FCRL5: variants seen among roughly 807,000 people sequenced by gnomAD.
FCRL5 encodes Fc receptor-like protein 5.
FCRL5 carries 79 observed loss-of-function variants against 92.1 expected under a neutral mutation model. The observed-to-expected ratio is 0.86, with a 90% confidence interval of 0.72 to 1.03. The LOEUF (loss-of-function observed/expected upper bound fraction) is 1.03, where lower values mean the gene tolerates loss of function less well. FCRL5 is among the 50% of genes least tolerant of loss of function. The pLI is 0.00. For synonymous variants in FCRL5, 466 were observed against 469.3 expected, an observed-to-expected ratio of 0.99 and a Z score of 0.09; for missense variants, 1,160 against 1,181.1, an observed-to-expected ratio of 0.98 and a Z score of 0.26.
chr1:157,523,329 C>A (rs59879420), intron 10 of FCRL5, among the ~76,000 whole-genome samples: 6,314 of 152,242 alleles, frequency 0.041, 451 homozygotes, highest in African/African-American at 0.14. Context: ...GGAACCTGTA[C>A]GTCTGCATAA....
chr1:157,540,202 CTG>C (rs1651191360), intron 6 of FCRL5, among the ~76,000 whole-genome samples: 1 of 152,216 alleles, frequency 6.6e-6, no homozygotes. Context: ...TAGTCATTCC[CTG>C]TCTTTTCCTT....
At chr1:157,538,984 A>G in intron 7 of FCRL5, 102 bp downstream of exon 7, 2 of 1,297,814 alleles carry the variant, frequency 1.5e-6, no homozygotes, top group South Asian at 1.5e-5. Context: ...TGTTTCAAGA[A>G]AGAAACAGAG....
intron 15 of FCRL5, 95 bp downstream of exon 15, chr1:157,518,334 A>T: frequency 9.2e-7 from 1 of 1,088,786 alleles, no homozygotes; most frequent in Non-Finnish European, 1.4e-6. Context: ...GGGCGGCTCT[A>T]TGCCTGTCTG....
intron 5 of FCRL5, 52 bp from the exon 6 acceptor site, chr1:157,543,189 T>C: frequency 5.1e-6 from 8 of 1,560,908 alleles, no homozygotes; most frequent in Non-Finnish European, 3.5e-6. Flanking sequence ...TTACTGTAGA[T>C]TACAAGGCAT....
At chr1:157,538,966 T>G in intron 7 of FCRL5, 120 bp downstream of exon 7, 4 of 1,081,902 alleles carry the variant, frequency 3.7e-6, no homozygotes, top group Non-Finnish European at 4.0e-6. Context: ...TGGAGGAGGA[T>G]ATTAGGTTGT....
intron 8 of FCRL5, among the ~76,000 whole-genome samples, chr1:157,530,603 G>A (rs1453181723): frequency 2.6e-5 from 4 of 152,156 alleles, no homozygotes; most frequent in Non-Finnish European, 5.9e-5. Flanking sequence ...CAGGTGATCT[G>A]CCCGCCTCGG....
intron 9 of FCRL5, among the ~76,000 whole-genome samples, chr1:157,525,431 A>G (rs1317813445): frequency 6.6e-6 from 1 of 152,226 alleles, no homozygotes. Flanking sequence ...AACTACCAAG[A>G]AATAGGAGAC....
chr1:157,522,458 A>G (rs1650242534), intron 10 of FCRL5: 1 of 152,226 alleles, frequency 6.6e-6, no homozygotes, highest in Admixed American at 6.5e-5. Flanking sequence ...TCACTTCTCT[A>G]AACCTCAGTC....
intron 10 of FCRL5, chr1:157,523,683 G>C (rs1650300233): frequency 6.6e-6 from 1 of 152,416 alleles, no homozygotes; most frequent in African/African-American, 2.4e-5. Context: ...TTCGAGAATA[G>C]AGGAATTTGG....
intron 8 of FCRL5, chr1:157,533,669 G>T (rs1650800413): frequency 6.6e-6 from 1 of 152,288 alleles, no homozygotes. Flanking sequence ...GGCATTAAGG[G>T]TGACAGTCAA....
At chr1:157,544,240 C>T in intron 5 of FCRL5, 22 bp downstream of exon 5, 1 of 1,610,028 alleles carries the variant, frequency 6.2e-7, no homozygotes, top group Non-Finnish European at 8.5e-7. Flanking sequence ...TGCAGCAAAT[C>T]TCAGGTTCCA....
At chr1:157,519,970 G>T (rs1558126378) in intron 12 of FCRL5, among the ~76,000 whole-genome samples, 200 bp from the exon 13 acceptor site, 2 of 152,148 alleles carry the variant, frequency 1.3e-5, no homozygotes, top group African/African-American at 4.8e-5. Context: ...TGTGAAACGG[G>T]AGTCCACAAT....
chr1:157,543,183 T>C lies in FCRL5; in HGVS notation c.845-46A>G, dbSNP rs1297322556. Reference sequence around the variant, plus strand: ...GTCAAGAATTGCTTTTGCCTCTTACTGTAGATTACAAGGCATGGCCAGTGC... The same window carrying C: ...GTCAAGAATTGCTTTTGCCTCTTACCGTAGATTACAAGGCATGGCCAGTGC... On this transcript the variant is annotated intron_variant, in intron 5 of 16. Transcript: ENST00000361835. The C allele has an allele frequency of 4.4e-6, 7 of 1,577,652 alleles. No individual in the cohort carries two copies. In the South Asian group the frequency reaches 5.9e-5, roughly 13 times the overall value.
intron 6 of FCRL5, among the ~76,000 whole-genome samples, chr1:157,541,614 T>C: frequency 6.6e-6 from 1 of 152,294 alleles, no homozygotes; most frequent in East Asian, 1.9e-4. Context: ...CACACATGAG[T>C]TCTTCCAAGA....
chr1:157,528,079 T>C (rs2101611510), intron 8 of FCRL5, 184 bp from the exon 9 acceptor site: 1 of 560,008 alleles, frequency 1.8e-6, no homozygotes, highest in East Asian at 3.1e-5. Context: ...TAAAGACTCA[T>C]CCAAAAAGCT....
chr1:157,531,222 G>A (rs1159728783), intron 8 of FCRL5, among the ~76,000 whole-genome samples: 1 of 152,090 alleles, frequency 6.6e-6, no homozygotes, highest in African/African-American at 2.4e-5. Flanking sequence ...TGAAAAAAAT[G>A]GTCAATATCA....
At chr1:157,516,820 CTGTT>C (rs1649954585) in intron 15 of FCRL5, among the ~76,000 whole-genome samples, 2 of 152,168 alleles carry the variant, frequency 1.3e-5, no homozygotes, top group South Asian at 2.1e-4. Context: ...CTGGAGAAGA[CTGTT>C]TGGTGATTGA....
intron 7 of FCRL5, 116 bp from the exon 8 acceptor site, chr1:157,535,008 G>A: frequency 4.2e-6 from 4 of 952,314 alleles, no homozygotes; most frequent in Non-Finnish European, 5.9e-6. Context: ...TCACCTACCT[G>A]GAGGGCAGCC....
intron 10 of FCRL5, chr1:157,521,625 A>G: frequency 5.2e-6 from 1 of 192,096 alleles, no homozygotes; most frequent in Non-Finnish European, 1.1e-5. Context: ...AAGCTTAAAT[A>G]GACTGATCAT....
Sources: allele counts gnomAD v4.1 joint callset (sites outside exome capture counted in the v4.1 genomes callset), GRCh38; gene constraint gnomAD v4.1.1; transcripts MANE v1.5; gene names NCBI Gene and HGNC (gene_info 2026-07-23, HGNC 2026-07-21).